CALN1: variants seen among roughly 807,000 people sequenced by gnomAD.
CALN1 encodes calneuron 1, also known as calcium-binding protein 8.
CALN1 carries 17 observed loss-of-function variants against 30.6 expected under a neutral mutation model. The ratio of observed to expected loss-of-function variants is 0.56; its 90% CI spans 0.38 to 0.83. CALN1 has a LOEUF of 0.83. Ranked by LOEUF, CALN1 falls within the 40% of genes least tolerant of loss-of-function variation. The pLI is 0.00. For synonymous variants in CALN1, 156 were observed against 131.4 expected (o/e 1.19, Z -1.28); for missense variants, 291 against 354.9 (o/e 0.82, Z 1.45).
intron 4 of CALN1, among the ~76,000 whole-genome samples, chr7:72,076,654 A>AAAAAAAAAAAACCCC (rs1804765707): frequency 9.4e-6 from 1 of 106,248 alleles, no homozygotes; most frequent in Non-Finnish European, 1.8e-5. Flanking sequence ...AAAAGCAAAG[A>AAAAAAAAAAAACCCC]CATGCCCTCC....
At chr7:71,994,511 C>CAAAAAAAAAAAAAAAA (rs367725464) in intron 5 of CALN1, among the ~76,000 whole-genome samples, 12 of 44,014 alleles carry the variant, frequency 2.7e-4, no homozygotes, top group African/African-American at 1.0e-3. Flanking sequence ...GACTTCATCT[C>CAAAAAAAAAAAAAAAA]AAAAAAAAAA....
intron 3 of CALN1, among the ~76,000 whole-genome samples, chr7:72,155,143 G>A (rs1787567331): frequency 6.6e-6 from 1 of 152,132 alleles, no homozygotes; most frequent in Non-Finnish European, 1.5e-5. Flanking sequence ...ATGCCCAGAG[G>A]GAAGGACATT....
chr7:72,388,023 G>T (rs893681026), intron 2 of CALN1, among the ~76,000 whole-genome samples: 1 of 152,088 alleles, frequency 6.6e-6, no homozygotes, highest in Non-Finnish European at 1.5e-5. Context: ...TTACTAGGTT[G>T]GTGCAAAAGT....
chr7:72,120,738 C>T (rs1584983708), intron 3 of CALN1, among the ~76,000 whole-genome samples: 1 of 152,108 alleles, frequency 6.6e-6, no homozygotes, highest in African/African-American at 2.4e-5. Context: ...GGTTTTAGTT[C>T]TTGACGTTCA....
intron 2 of CALN1, among the ~76,000 whole-genome samples, chr7:72,371,688 T>C (rs1312092498): frequency 2.0e-5 from 3 of 152,196 alleles, no homozygotes; most frequent in African/African-American, 7.2e-5. Context: ...TGCATGTATG[T>C]GTTATGTATT....
chr7:72,120,056 C>T (rs1808270923), intron 3 of CALN1, among the ~76,000 whole-genome samples: 1 of 151,990 alleles, frequency 6.6e-6, no homozygotes, highest in Admixed American at 6.6e-5. Context: ...ACGCTGTCAC[C>T]CAGGTAGTGA....
At chr7:71,865,072 C>T (rs1791509768) in intron 5 of CALN1, among the ~76,000 whole-genome samples, 1 of 151,940 alleles carries the variant, frequency 6.6e-6, no homozygotes, top group African/African-American at 2.4e-5. Context: ...AGAAATAAAG[C>T]AAGCAAGCAA....
chr7:71,885,318 A>AT (rs1014600164), intron 5 of CALN1, among the ~76,000 whole-genome samples: 2 of 151,754 alleles, frequency 1.3e-5, no homozygotes, highest in Admixed American at 6.6e-5. Context: ...CACCTGGCTA[A>AT]TTTTTTTGTA....
intron 3 of CALN1, among the ~76,000 whole-genome samples, chr7:72,138,842 T>C (rs2129543296): frequency 6.6e-6 from 1 of 152,220 alleles, no homozygotes; most frequent in Non-Finnish European, 1.5e-5. Context: ...AAGGAAGTTA[T>C]CTCAATGGAA....
At chr7:72,448,628 C>T (rs1015883603), upstream of CALN1, among the ~76,000 whole-genome samples, 15 of 150,356 alleles carry the variant, frequency 1.0e-4, no homozygotes, top group African/African-American at 3.7e-4. Context: ...TTTTTTTTGA[C>T]GGAGTCTCAC....
intron 2 of CALN1, among the ~76,000 whole-genome samples, chr7:72,319,260 C>A (rs966420744): frequency 2.0e-5 from 3 of 152,162 alleles, no homozygotes; most frequent in Non-Finnish European, 2.9e-5. Context: ...GAAAGAGGTT[C>A]CACAGACTCA....
At chr7:72,443,420 C>T (rs186859747) in intron 1 of CALN1, among the ~76,000 whole-genome samples, 112 of 152,280 alleles carry the variant, frequency 7.4e-4, no homozygotes, top group African/African-American at 2.3e-3. Context: ...CCGCCTTTCA[C>T]GCACCCCGGG....
chr7:72,119,810 T>G (rs1808251936), intron 3 of CALN1, among the ~76,000 whole-genome samples: 1 of 152,074 alleles, frequency 6.6e-6, no homozygotes, highest in East Asian at 1.9e-4. Context: ...GACCCATCCC[T>G]ATGATTCAAA....
intron 4 of CALN1, among the ~76,000 whole-genome samples, chr7:72,069,576 C>T (rs1804251798): frequency 6.6e-6 from 1 of 152,132 alleles, no homozygotes; most frequent in Admixed American, 6.5e-5. Context: ...GCCTTCTTTT[C>T]TCTGTGTGTC....
At position 72,054,518 on chromosome 7, in the gene CALN1, T is replaced by C. The variant is rs60747969; in HGVS notation, c.389-30749A>G. 5.4e-4 allele frequency among the ~76,000 whole-genome samples: 66 copies of C among 123,254 alleles called. 3 individuals are homozygous for C. The highest frequency in any genetic ancestry group is 3.8e-3 in the East Asian group (18 of 4,744). The allele number at this position is 123,254 out of a possible 152,430, so 80.9% of individuals were successfully genotyped here. A position where few individuals can be genotyped will look rare whatever the true frequency, so the allele number is the denominator to read the frequency against. Reference sequence around the variant, plus strand: ...ATATATACATATATATACATATATATACATATATACATACATATATATATA... The same window carrying C: ...ATATATACATATATATACATATATACACATATATACATACATATATATATA... On this transcript the variant is annotated intron_variant, in intron 4 of 6. Transcript: ENST00000395275.
rs1445327822 is a variant in CALN1 at position 72,446,424 on chromosome 7, C to T, written c.-226+618G>A. On this transcript the variant is annotated intron_variant, in intron 1 of 6. Transcript: ENST00000395276. Reference sequence around the variant, plus strand: ...TAGAAGTGAGTTTCCTCAAAAGGCACAAGGGACAGGGTTAGGAATTCCTGA... The same window carrying T: ...TAGAAGTGAGTTTCCTCAAAAGGCATAAGGGACAGGGTTAGGAATTCCTGA... 5.3e-5 allele frequency among the ~76,000 whole-genome samples: 8 copies of T among 150,648 alleles called. No homozygotes were observed. In the East Asian group the frequency reaches 1.6e-3, roughly 30 times the overall value.
Position 72,215,550 on chromosome 7 carries a change from C to T in CALN1, c.244+63136G>A, listed in dbSNP as rs540019420. 5.5e-5 allele frequency among the ~76,000 whole-genome samples: 8 copies of T among 146,590 alleles called. 1 individual carries two copies. The South Asian group carries it at 1.3e-3, about 24-fold the overall frequency. Reference sequence around the variant, plus strand: ...CAGAGGTTGCAGTGAGCTGAGATCACGCCACTGCACTCTAGCTGGGTGACA... The same window carrying T: ...CAGAGGTTGCAGTGAGCTGAGATCATGCCACTGCACTCTAGCTGGGTGACA... On this transcript the variant is annotated intron_variant, in intron 3 of 6. Transcript: ENST00000395275.
At chr7:71,939,001 A>G (rs1795987537) in intron 5 of CALN1, among the ~76,000 whole-genome samples, 3 of 152,160 alleles carry the variant, frequency 2.0e-5, no homozygotes, top group Admixed American at 1.3e-4. Context: ...GAATGAATGA[A>G]TGAATGAATC....
At chr7:72,218,351 G>C (rs936036832) in intron 3 of CALN1, among the ~76,000 whole-genome samples, 1 of 152,028 alleles carries the variant, frequency 6.6e-6, no homozygotes, top group Non-Finnish European at 1.5e-5. Context: ...AGGAAGCTAA[G>C]GCAGGAGAAT....
Sources: allele counts gnomAD v4.1 joint callset (sites outside exome capture counted in the v4.1 genomes callset), GRCh38; gene constraint gnomAD v4.1.1; transcripts MANE v1.5; gene names NCBI Gene and HGNC (gene_info 2026-07-23, HGNC 2026-07-21).